CYSLTR2: variants seen among roughly 807,000 people sequenced by gnomAD.
CYSLTR2 encodes G-protein coupled receptor GPCR21.
For synonymous variants in CYSLTR2, 179 were observed against 160.8 expected (o/e 1.11, Z -0.86); for missense variants, 398 against 411.9 (o/e 0.97, Z 0.29).
chr13:48,700,901 T>C lies in CYSLTR2; in HGVS notation c.-2+4275T>C, dbSNP rs1019207782. Among the ~76,000 whole-genome samples the C allele has an allele frequency of 2.3e-4, 35 of 152,082 alleles. 2 individuals carry two copies. The highest frequency in any genetic ancestry group is 4.4e-5 in the Non-Finnish European group (3 of 68,036). ...AGCCAAATCATGAATGAACTCCCAT[T>C]CACAATTGCTTCAAAGAGAATAAAA... is the stretch of plus-strand genomic sequence containing the variant. On this transcript the variant is annotated intron_variant, in intron 4 of 4. Coordinates refer to ENST00000682523, the MANE Select transcript of CYSLTR2 (RefSeq NM_001308476.3).
chr13:48,707,842 A>G lies in CYSLTR2; in HGVS notation c.1025A>G (p.Lys342Arg), dbSNP rs1360244455. Residue 342 changes from lysine (K) to arginine (R), a missense_variant, in exon 5 of 5, where the codon AAG (lysine) becomes AGG (arginine). Coordinates refer to ENST00000682523, the MANE Select transcript of CYSLTR2 (RefSeq NM_001308476.3). ...CVFPVSVWLR[K>R]ETRV ...TTCCCTGTTAGTGTGTGGTTGAGAAAGGAAACAAGAGTATAAGGAGCTCTT... is the reference window on the plus strand; with the variant it reads ...TTCCCTGTTAGTGTGTGGTTGAGAAGGGAAACAAGAGTATAAGGAGCTCTT... The G allele has an allele frequency of 6.6e-7, 1 of 1,525,178 alleles. No individual in the cohort carries two copies. 94.5% of individuals were successfully genotyped at this position (1,525,178 alleles called of 1,614,324 possible). A position where few individuals can be genotyped will look rare whatever the true frequency, so the allele number is the denominator to read the frequency against.
chr13:48,704,838 A>G (rs1306078723), intron 4 of CYSLTR2, among the ~76,000 whole-genome samples: 5 of 152,128 alleles, frequency 3.3e-5, no homozygotes, highest in African/African-American at 7.2e-5. Context: ...TTTGAAATCT[A>G]TCGAGGTTTG....
At chr13:48,663,059 A>G (rs535784012) in intron 1 of CYSLTR2, among the ~76,000 whole-genome samples, 55 of 152,132 alleles carry the variant, frequency 3.6e-4, no homozygotes, top group Non-Finnish European at 6.9e-4. Flanking sequence ...TCATTCTTCT[A>G]TAGACATCCA....
chr13:48,674,964 A>G (rs1264247709), intron 1 of CYSLTR2, among the ~76,000 whole-genome samples: 1 of 152,224 alleles, frequency 6.6e-6, no homozygotes, highest in African/African-American at 2.4e-5. Flanking sequence ...GCTGCAGAAC[A>G]GCAAAGATTG....
At chr13:48,655,513 T>C (rs1163251732) in intron 1 of CYSLTR2, among the ~76,000 whole-genome samples, 1 of 152,220 alleles carries the variant, frequency 6.6e-6, no homozygotes, top group East Asian at 1.9e-4. Context: ...CCACAGCGCC[T>C]AAACCACACT....
intron 1 of CYSLTR2, among the ~76,000 whole-genome samples, chr13:48,669,303 G>T (rs938672519): frequency 9.3e-5 from 14 of 149,766 alleles, no homozygotes; most frequent in Admixed American, 4.7e-4. Context: ...TTTAATTTAA[G>T]TTCAGGGATA....
intron 1 of CYSLTR2, among the ~76,000 whole-genome samples, chr13:48,682,484 A>G (rs550567896): frequency 6.6e-6 from 1 of 152,052 alleles, no homozygotes; most frequent in Non-Finnish European, 1.5e-5. Context: ...ATTCCAGCTA[A>G]TGGCCTCACA....
intron 4 of CYSLTR2, among the ~76,000 whole-genome samples, chr13:48,700,389 C>T (rs1314393737): frequency 6.6e-6 from 1 of 152,182 alleles, no homozygotes; most frequent in Non-Finnish European, 1.5e-5. Flanking sequence ...AAACGTAATC[C>T]ATCATGTAAA....
intron 4 of CYSLTR2, among the ~76,000 whole-genome samples, chr13:48,700,712 A>G (rs1319205261): frequency 1.3e-5 from 2 of 152,190 alleles, no homozygotes; most frequent in Admixed American, 6.5e-5. Context: ...AATTAGGAAA[A>G]GAGGAAGTCA....
intron 4 of CYSLTR2, 182 bp from the exon 5 acceptor site, chr13:48,706,635 T>G: frequency 1.8e-6 from 1 of 544,402 alleles, no homozygotes; most frequent in Non-Finnish European, 3.2e-6. Context: ...AAATTTAAAT[T>G]TATTATGAAA....
intron 4 of CYSLTR2, among the ~76,000 whole-genome samples, chr13:48,699,518 A>C (rs1239620123): frequency 1.3e-5 from 2 of 152,262 alleles, no homozygotes; most frequent in African/African-American, 4.8e-5. Flanking sequence ...AATTTAAAGC[A>C]GTGTGTAGAG....
At chr13:48,697,476 C>T (rs1315294615) in intron 4 of CYSLTR2, among the ~76,000 whole-genome samples, 1 of 152,180 alleles carries the variant, frequency 6.6e-6, no homozygotes, top group Non-Finnish European at 1.5e-5. Context: ...AACTAACAAA[C>T]AGAAAGGACA....
At chr13:48,688,202 C>T (rs1156624054) in intron 1 of CYSLTR2, among the ~76,000 whole-genome samples, 1 of 152,188 alleles carries the variant, frequency 6.6e-6, no homozygotes, top group Non-Finnish European at 1.5e-5. Context: ...CCTGCCTCAG[C>T]TTCCCAAGTA....
intron 1 of CYSLTR2, among the ~76,000 whole-genome samples, chr13:48,660,482 G>C (rs980942866): frequency 6.6e-6 from 1 of 152,170 alleles, no homozygotes; most frequent in Non-Finnish European, 1.5e-5. Context: ...GGGTGACCGG[G>C]TAGAGGAAAA....
chr13:48,673,390 G>C (rs1394356988), intron 1 of CYSLTR2, among the ~76,000 whole-genome samples: 1 of 143,850 alleles, frequency 7.0e-6, no homozygotes, highest in Admixed American at 7.0e-5. Context: ...GATCTTTGTT[G>C]GTTTAAAGTC....
intron 1 of CYSLTR2, among the ~76,000 whole-genome samples, chr13:48,687,117 C>G (rs1257341665): frequency 6.6e-6 from 1 of 152,138 alleles, no homozygotes; most frequent in African/African-American, 2.4e-5. Context: ...GAACTCCAGG[C>G]TCTCTGGCCT....
chr13:48,668,309 G>A (rs1953320658), intron 1 of CYSLTR2, among the ~76,000 whole-genome samples: 1 of 152,102 alleles, frequency 6.6e-6, no homozygotes, highest in Non-Finnish European at 1.5e-5. Flanking sequence ...AGATGTTGAA[G>A]AAGGTTATTT....
chr13:48,683,492 C>A (rs190605341), intron 1 of CYSLTR2, among the ~76,000 whole-genome samples: 1 of 151,770 alleles, frequency 6.6e-6, no homozygotes, highest in Non-Finnish European at 1.5e-5. Flanking sequence ...TGATATTGAG[C>A]TTTTTTTTCA....
Position 48,707,205 on chromosome 13 carries a change from A to C in CYSLTR2, c.388A>C (p.Thr130Pro). ...VNMYSSIYFL[T>P]VLSVVRFLAM... ...CATGTACAGCAGTATTTATTTCCTG[A>C]CCGTGCTGAGTGTTGTGCGTTTCCT... The change falls in exon 5 of 5, where the codon ACC becomes CCC. Residue 130 changes from threonine (T) to proline (P), a missense_variant. Physicochemically the swap from Thr to Pro is conservative, Grantham distance 38. Transcript: ENST00000682523. The C allele has an allele frequency of 6.2e-7, 1 of 1,614,018 alleles. No homozygotes were observed. The highest frequency in any genetic ancestry group is 8.5e-7 in the Non-Finnish European group (1 of 1,180,006).
Sources: allele counts gnomAD v4.1 joint callset (sites outside exome capture counted in the v4.1 genomes callset), GRCh38; gene constraint gnomAD v4.1.1; transcripts MANE v1.5; gene names NCBI Gene and HGNC (gene_info 2026-07-23, HGNC 2026-07-21).